The following MAEA variants were observed in gnomAD, a reference collection of about 807,000 sequenced individuals.
MAEA encodes E3 ubiquitin-protein transferase MAEA.
Under a neutral mutation model 46.2 loss-of-function variants are expected in MAEA, and 22 were observed. That is an observed-to-expected ratio of 0.48 (90% CI 0.34 to 0.68). The LOEUF (loss-of-function observed/expected upper bound fraction) is 0.68. MAEA is among the 30% of genes least tolerant of loss of function. The pLI is 0.01. For missense variants in MAEA, 393 were observed against 558.1 expected (o/e 0.70, Z 2.98); for synonymous variants, 246 against 222.6 (o/e 1.11, Z -0.94).
intron 1 of MAEA, chr4:1,298,183 G>A (rs1343962588): frequency 1.9e-5 from 8 of 421,930 alleles, no homozygotes; most frequent in African/African-American, 6.1e-5. Context: ...TGCTCTGCCC[G>A]CGGCTTGGCC....
intron 1 of MAEA, among the ~76,000 whole-genome samples, chr4:1,290,779 G>C (rs1195760273): frequency 6.6e-6 from 1 of 152,212 alleles, no homozygotes; most frequent in Non-Finnish European, 1.5e-5. Flanking sequence ...GAGGACGGAC[G>C]GTGTGGCGAC....
At chr4:1,292,430 A>G (rs1734186388) in intron 1 of MAEA, among the ~76,000 whole-genome samples, 1 of 152,112 alleles carries the variant, frequency 6.6e-6, no homozygotes, top group South Asian at 2.1e-4. Context: ...TGAAGTGGGA[A>G]GAGAATGGAA....
At chr4:1,322,689 A>C (rs1186707282) in intron 4 of MAEA, among the ~76,000 whole-genome samples, 186 bp downstream of exon 4, 1 of 152,142 alleles carries the variant, frequency 6.6e-6, no homozygotes, top group African/African-American at 2.4e-5. Flanking sequence ...GGAAAAGTGC[A>C]CCTCATTTGG....
At chr4:1,296,403 C>T (rs72501965) in intron 1 of MAEA, among the ~76,000 whole-genome samples, 5,096 of 85,646 alleles carry the variant, frequency 0.06, 369 homozygotes, top group East Asian at 0.32. Context: ...TCACCCATGC[C>T]ATTCCTCACC....
intron 2 of MAEA, 22 bp downstream of exon 2, chr4:1,312,183 C>G: frequency 1.2e-6 from 2 of 1,613,328 alleles, no homozygotes; most frequent in Non-Finnish European, 1.7e-6. Flanking sequence ...CTGGCGGTCC[C>G]TCTTCAGTCT....
chr4:1,339,273 C>A lies in MAEA; in HGVS notation c.*104C>A. On this transcript the variant is annotated 3_prime_UTR_variant, in exon 9 of 9. Coordinates refer to ENST00000303400, the MANE Select transcript of MAEA (RefSeq NM_001017405.3). ...CCAGCCTGCCGCGGCGTTTCTGTTT[C>A]TTGCGACCAAAGATCCGTGAGCAAC... 2.5e-6 allele frequency: 2 copies of A among 799,030 alleles called. No individual in the cohort carries two copies. The highest frequency in any genetic ancestry group is 1.4e-5 in the South Asian group (1 of 68,996). 49.5% of individuals were successfully genotyped at this position (799,030 alleles called of 1,614,324 possible).
At chr4:1,314,869 G>A (rs987998237) in intron 2 of MAEA, among the ~76,000 whole-genome samples, 2 of 152,198 alleles carry the variant, frequency 1.3e-5, no homozygotes, top group Non-Finnish European at 2.9e-5. Flanking sequence ...GTAGTCAGTC[G>A]CCGTGTGTGC....
chr4:1,316,482 C>G (rs1374736461), intron 3 of MAEA, among the ~76,000 whole-genome samples: 3 of 152,148 alleles, frequency 2.0e-5, no homozygotes, highest in Non-Finnish European at 1.5e-5. Flanking sequence ...ACTTGAGAAC[C>G]TCTCAGGCAG....
intron 3 of MAEA, among the ~76,000 whole-genome samples, chr4:1,320,494 A>C (rs1354790806): frequency 6.6e-6 from 1 of 151,870 alleles, no homozygotes; most frequent in Non-Finnish European, 1.5e-5. Context: ...GAAATCATCA[A>C]AGCAAACATG....
chr4:1,302,427 G>A (rs375788006), intron 1 of MAEA, among the ~76,000 whole-genome samples: 8 of 152,244 alleles, frequency 5.3e-5, no homozygotes, highest in African/African-American at 1.9e-4. Flanking sequence ...TAAGGGTTTA[G>A]TATTCAGAAT....
At position 1,318,134 on chromosome 4, in the gene MAEA, C is replaced by T. The variant is rs180858813; in HGVS notation, c.456+2534C>T. Among the ~76,000 whole-genome samples the T allele has an allele frequency of 2.2e-4, 34 of 152,224 alleles. No individual in the cohort carries two copies. In the East Asian group the frequency reaches 4.1e-3, roughly 18 times the overall value. ...CGGCTTCCCCCAATGCACAGGCCCT[C>T]GCTCCGTGCTGCCCACATGTCCTGG... On this transcript the variant is annotated intron_variant, in intron 3 of 8. Coordinates refer to ENST00000303400, the MANE Select transcript of MAEA (RefSeq NM_001017405.3).
chr4:1,318,625 G>A (rs1363073481), intron 3 of MAEA, among the ~76,000 whole-genome samples: 3 of 152,178 alleles, frequency 2.0e-5, no homozygotes, highest in African/African-American at 7.2e-5. Context: ...TTGAGCTGAG[G>A]AATCGCTTTT....
At chr4:1,292,643 T>C (rs73796044) in intron 1 of MAEA, among the ~76,000 whole-genome samples, 23,426 of 152,034 alleles carry the variant, frequency 0.15, 3,478 homozygotes, top group East Asian at 0.42. Flanking sequence ...GCCCCCAAAA[T>C]GTCTTCAGAC....
At chr4:1,307,031 C>T (rs1279498642) in intron 1 of MAEA, among the ~76,000 whole-genome samples, 1 of 152,178 alleles carries the variant, frequency 6.6e-6, no homozygotes, top group Non-Finnish European at 1.5e-5. Flanking sequence ...TGCATCCATT[C>T]CTAGACCAGT....
chr4:1,328,795 T>C lies in MAEA; in HGVS notation c.656+1092T>C. On this transcript the variant is annotated intron_variant, in intron 5 of 8. Coordinates refer to ENST00000303400, the MANE Select transcript of MAEA (RefSeq NM_001017405.3). ...CCCGGGGTCCTGCTCCGGCTCCTGA[T>C]GCTGACCTGGGCGCATGGTGGCAGG... The C allele has an allele frequency of 4.6e-6, 5 of 1,096,206 alleles. No homozygotes were observed. In the Middle Eastern group the frequency reaches 8.7e-4, roughly 191 times the overall value. 67.9% of individuals were successfully genotyped at this position (1,096,206 alleles called of 1,614,324 possible).
At chr4:1,332,736 T>A (rs969313356) in intron 5 of MAEA, 21 bp from the exon 6 acceptor site, 2 of 1,592,950 alleles carry the variant, frequency 1.3e-6, no homozygotes, top group Non-Finnish European at 1.7e-6. Context: ...AACTTAAATG[T>A]GCCAAAATGT....
intron 6 of MAEA, chr4:1,335,813 T>C (rs112826820): frequency 1.8e-5 from 3 of 169,702 alleles, no homozygotes; most frequent in African/African-American, 5.5e-5. Flanking sequence ...CTGCAGTGTG[T>C]TGAAATCACA....
rs1560394574 is a variant in MAEA at position 1,336,916 on chromosome 4, A to G, written c.821A>G (p.Asn274Ser). Residue 274 changes from asparagine to serine, a missense_variant, in exon 7 of 9, where the codon AAC (asparagine) becomes AGC (serine). Transcript: ENST00000303400. ...CTGATCCAGCAGTTCCGGTACGACA[A>G]CTACCGACTACACCAGCTGGGAAAC... ...RMLIQQFRYD[N>S]YRLHQLGNNS... The G allele has an allele frequency of 1.2e-6, 2 of 1,614,074 alleles. No individual in the cohort carries two copies. Among genetic ancestry groups the G allele is most frequent in the Non-Finnish European group, 1.7e-6 (2 of 1,180,016 alleles).
At chr4:1,305,618 A>G (rs1735751799) in intron 1 of MAEA, among the ~76,000 whole-genome samples, 1 of 152,180 alleles carries the variant, frequency 6.6e-6, no homozygotes, top group East Asian at 1.9e-4. Flanking sequence ...GAGTCCAGGT[A>G]TCCCGGCTCC....
Sources: gnomAD v4.1 joint callset for allele counts (sites outside exome capture counted in the v4.1 genomes callset) on GRCh38, gnomAD v4.1.1 for gene constraint, MANE v1.5 for transcripts, NCBI Gene and HGNC (gene_info 2026-07-23, HGNC 2026-07-21) for gene names.